TET2: variants seen among roughly 807,000 people sequenced by gnomAD.
The protein encoded by TET2 is tet methylcytosine dioxygenase 2.
Under a neutral mutation model 142.9 loss-of-function variants are expected in TET2, and 299 were observed. The observed-to-expected ratio is 2.09, with a 90% CI of 1.90 to 2.30. The LOEUF (loss-of-function observed/expected upper bound fraction) is 2.30, where lower values mean the gene tolerates loss of function less well. Among genes scored for constraint, TET2 ranks in the 30% most tolerant of loss-of-function variants. The pLI is 0.00. For synonymous variants in TET2, 819 were observed against 849.0 expected (o/e 0.96, Z 0.61); for missense variants, 2,418 against 2,378.0 (o/e 1.02, Z -0.35).
chr4:105,185,906 A>G (rs893423193), intron 1 of TET2, among the ~76,000 whole-genome samples: 3 of 152,152 alleles, frequency 2.0e-5, no homozygotes, highest in African/African-American at 4.8e-5. Flanking sequence ...TGCAACTTTG[A>G]TGGTGAAGTG....
At position 105,225,801 on chromosome 4, in the gene TET2, C is replaced by A. The variant is rs146158884; in HGVS notation, c.-46-8096C>A. Among the ~76,000 whole-genome samples the A allele has an allele frequency of 9.9e-4, 150 of 152,282 alleles. 1 individual carries two copies. Among genetic ancestry groups the A allele is most frequent in the African/African-American group, 3.5e-3 (144 of 41,566 alleles). On this transcript the variant is annotated intron_variant, in intron 2 of 10. Transcript: ENST00000380013. ...AACTAATGTGTCTTGAGCTCCAATT[C>A]TCTGAGTGACATTATCAGGGGAGAT...
At chr4:105,177,579 T>A (rs2110437925) in intron 1 of TET2, 1 of 152,312 alleles carries the variant, frequency 6.6e-6, no homozygotes, top group South Asian at 2.1e-4. Context: ...AACAATGAGA[T>A]ACCGCTACAT....
At chr4:105,202,048 G>A (rs1457580090) in intron 2 of TET2, among the ~76,000 whole-genome samples, 1 of 151,660 alleles carries the variant, frequency 6.6e-6, no homozygotes, top group Non-Finnish European at 1.5e-5. Flanking sequence ...CAGCCCCTCC[G>A]GAATCTTTAG....
chr4:105,204,057 G>A (rs1578614222), intron 2 of TET2, among the ~76,000 whole-genome samples: 1 of 152,108 alleles, frequency 6.6e-6, no homozygotes, highest in Non-Finnish European at 1.5e-5. Context: ...AAATTAGCCA[G>A]GCGTAGTGGC....
chr4:105,157,439 T>A (rs566967432), intron 1 of TET2, among the ~76,000 whole-genome samples: 2 of 152,320 alleles, frequency 1.3e-5, no homozygotes, highest in Non-Finnish European at 2.9e-5. Flanking sequence ...AAATGGTTTT[T>A]TCTCCAGTGA....
chr4:105,238,746 C>T (rs937836310), intron 3 of TET2: 3 of 240,460 alleles, frequency 1.2e-5, no homozygotes, highest in African/African-American at 6.7e-5. Context: ...AACTTCTAAA[C>T]TCCTGTTAAT....
intron 2 of TET2, among the ~76,000 whole-genome samples, chr4:105,217,913 G>A (rs1727590802): frequency 6.6e-6 from 1 of 151,974 alleles, no homozygotes; most frequent in South Asian, 2.1e-4. Flanking sequence ...TCATTTTAGG[G>A]TGGACACCAT....
chr4:105,265,889 G>A (rs1395372317), intron 8 of TET2, among the ~76,000 whole-genome samples: 6 of 152,158 alleles, frequency 3.9e-5, no homozygotes, highest in Non-Finnish European at 7.4e-5. Flanking sequence ...AGGCTCCAGT[G>A]TAGCCAGTAG....
chr4:105,208,567 G>T (rs1035897118), intron 2 of TET2, among the ~76,000 whole-genome samples: 1 of 151,992 alleles, frequency 6.6e-6, no homozygotes, highest in African/African-American at 2.4e-5. Context: ...ATTTAATTAG[G>T]CGTCTTTGCC....
chr4:105,237,398 A>G, intron 3 of TET2, 47 bp downstream of exon 3: 1 of 1,614,082 alleles, frequency 6.2e-7, no homozygotes, highest in Non-Finnish European at 8.5e-7. Context: ...ATCCAGAATT[A>G]GCAAATTTAT....
At chr4:105,172,779 A>G (rs1368002345) in intron 1 of TET2, among the ~76,000 whole-genome samples, 1 of 152,260 alleles carries the variant, frequency 6.6e-6, no homozygotes, top group Non-Finnish European at 1.5e-5. Flanking sequence ...TGAGAATACT[A>G]ATGGTCTTAC....
chr4:105,230,715 A>C (rs927376752), intron 2 of TET2, among the ~76,000 whole-genome samples: 4 of 152,196 alleles, frequency 2.6e-5, no homozygotes, highest in African/African-American at 9.6e-5. Context: ...ATGTTAAGAA[A>C]AGTTTTATAC....
At chr4:105,155,249 G>A (rs943813588) in intron 1 of TET2, among the ~76,000 whole-genome samples, 2 of 152,164 alleles carry the variant, frequency 1.3e-5, no homozygotes, top group African/African-American at 2.4e-5. Flanking sequence ...AAATGACAAA[G>A]TATCTCATAG....
intron 1 of TET2, chr4:105,147,615 T>A (rs1162439250): frequency 6.6e-6 from 1 of 152,148 alleles, no homozygotes; most frequent in Non-Finnish European, 1.5e-5. Flanking sequence ...TTAGCGGCGC[T>A]GAGTGAAAGA....
intron 1 of TET2, among the ~76,000 whole-genome samples, chr4:105,188,376 G>A (rs771073553): frequency 6.6e-6 from 1 of 152,172 alleles, no homozygotes; most frequent in East Asian, 1.9e-4. Flanking sequence ...AGGAGCAAAT[G>A]GGAAGTTATT....
intron 1 of TET2, among the ~76,000 whole-genome samples, chr4:105,163,993 C>G (rs1724022725): frequency 6.6e-6 from 1 of 152,002 alleles, no homozygotes; most frequent in Non-Finnish European, 1.5e-5. Flanking sequence ...GTGATTATTA[C>G]TATCAGGCTA....
chr4:105,235,907 A>T lies in TET2; in HGVS notation c.1965A>T (p.Lys655Asn). The part of the protein sequence containing the change: ...GTVDQHLQFQ[K>N]PSHQVHFSKT... Reference sequence around the variant, plus strand: ...TGGACCAACATCTCCAGTTCCAAAAACCCTCACACCAGGTGCACTTCTCCA... The same window carrying T: ...TGGACCAACATCTCCAGTTCCAAAATCCCTCACACCAGGTGCACTTCTCCA... Residue 655 changes from lysine (K) to asparagine (N), a missense_variant, in exon 3 of 11, where the codon AAA becomes AAT. Transcript: ENST00000380013. 1.2e-6 allele frequency: 2 copies of T among 1,613,896 alleles called. No individual in the cohort carries two copies. The highest frequency in any genetic ancestry group is 1.7e-6 in the Non-Finnish European group (2 of 1,179,986).
In TET2 at chr4:105,187,749, T is replaced by C. The variant is rs1303353241; in HGVS notation, c.-192-2611T>C. 2.0e-5 allele frequency among the ~76,000 whole-genome samples: 3 copies of C among 152,234 alleles called. No homozygotes were observed. In the East Asian group the frequency reaches 5.8e-4, roughly 29 times the overall value. On this transcript the variant is annotated intron_variant, in intron 1 of 10. Coordinates refer to ENST00000380013, the MANE Select transcript of TET2 (RefSeq NM_001127208.3). ...TCTCATTCCAACTATTGCTTATACT[T>C]GAGTACTGCAATAAGCCAATATCTT...
chr4:105,189,786 C>T (rs756596167), intron 1 of TET2, among the ~76,000 whole-genome samples: 1 of 152,184 alleles, frequency 6.6e-6, no homozygotes, highest in African/African-American at 2.4e-5. Flanking sequence ...CCCTTGAGCA[C>T]AGAGACCACA....
Sources: allele counts gnomAD v4.1 joint callset (sites outside exome capture counted in the v4.1 genomes callset), GRCh38; gene constraint gnomAD v4.1.1; transcripts MANE v1.5; gene names NCBI Gene and HGNC (gene_info 2026-07-23, HGNC 2026-07-21).